The following CSNK1E variants were observed in gnomAD, a reference collection of about 807,000 sequenced individuals.
CSNK1E encodes casein kinase I isoform epsilon.
In CSNK1E, 17 loss-of-function variants were observed where a neutral mutation model predicts 46.1. The observed-to-expected ratio is 0.37, with a 90% CI of 0.25 to 0.55. The LOEUF (loss-of-function observed/expected upper bound fraction) is 0.55, where lower values mean the gene tolerates loss of function less well. Ranked by LOEUF, CSNK1E falls within the 20% of genes least tolerant of loss-of-function variation. CSNK1E has a pLI of 0.82. For synonymous variants in CSNK1E, 241 were observed against 242.6 expected (o/e 0.99, Z 0.06); for missense variants, 386 against 595.4 (o/e 0.65, Z 3.66).
At position 38,302,885 on chromosome 22, in the gene CSNK1E, C is replaced by G. The variant is rs371797069; in HGVS notation, c.312G>C (p.Thr104=). 2.5e-6 allele frequency: 4 copies of G among 1,613,984 alleles called. No individual in the cohort carries two copies. The Admixed American group carries it at 5.0e-5, about 20-fold the overall frequency. ...CCATCTGGTCGGCCAAGAGCAGCAC[C>G]GTCTTGAGGCTGAATTTGCGGGAAC... The part of the protein sequence containing the change: ...NFCSRKFSLK[T]VLLLADQMIS... Residue 104 remains threonine (T), a synonymous_variant, in exon 4 of 11, where the codon ACG becomes ACC. Coordinates refer to ENST00000396832, the MANE Select transcript of CSNK1E (RefSeq NM_152221.3).
chr22:38,301,524 C>T (rs754507123), intron 4 of CSNK1E, among the ~76,000 whole-genome samples: 2 of 152,050 alleles, frequency 1.3e-5, no homozygotes, highest in Non-Finnish European at 2.9e-5. Context: ...CTTCTGCCTT[C>T]AGGGTTCAAG....
Position 38,294,430 on chromosome 22 carries a change from A to C in CSNK1E, c.990T>G (p.Pro330=), listed in dbSNP as rs780565636. ...TGGCAGTGGCCCCCGTGGGTGGGCC[A>C]GGGGGCAGGGCTCGGGTCGCGGACC... ...LRGSATRALP[P]GPPTGATANR... The change falls in exon 8 of 11, where the codon CCT becomes CCG. Residue 330 remains proline, a synonymous_variant. Coordinates refer to ENST00000396832, the MANE Select transcript of CSNK1E (RefSeq NM_152221.3). The surrounding 1 kb of genome is among the most constrained non-coding windows in gnomAD (Gnocchi z 5.5). 6.4e-7 allele frequency: 1 copy of C among 1,564,964 alleles called. No homozygotes were observed. The highest frequency in any genetic ancestry group is 1.4e-5 in the African/African-American group (1 of 73,524).
chr22:38,313,720 C>T (rs1435695663), intron 2 of CSNK1E, among the ~76,000 whole-genome samples: 3 of 152,166 alleles, frequency 2.0e-5, no homozygotes, highest in East Asian at 1.9e-4. Flanking sequence ...AACCCAAGTC[C>T]CTTCTATCTA....
chr22:38,299,685 T>C (rs532701250), intron 6 of CSNK1E, among the ~76,000 whole-genome samples: 1 of 152,360 alleles, frequency 6.6e-6, no homozygotes, highest in East Asian at 1.9e-4. Context: ...AATTTTTGTA[T>C]TTTTAGTAGA....
intron 10 of CSNK1E, 187 bp downstream of exon 10, chr22:38,293,068 T>C (rs1370113708): frequency 3.3e-6 from 2 of 609,126 alleles, no homozygotes; most frequent in East Asian, 2.8e-5. Flanking sequence ...ATAGAAACCC[T>C]TGGCCCCAAG....
intron 2 of CSNK1E, among the ~76,000 whole-genome samples, chr22:38,304,888 C>T (rs1318097638): frequency 2.6e-5 from 4 of 152,106 alleles, no homozygotes; most frequent in Non-Finnish European, 5.9e-5. Flanking sequence ...CTTTGGGAGG[C>T]TGAGGCGGGT....
chr22:38,293,143 T>TCTGCCA, intron 10 of CSNK1E, 112 bp downstream of exon 10: 4 of 865,914 alleles, frequency 4.6e-6, no homozygotes, highest in Non-Finnish European at 5.9e-6. Context: ...CCTGGTACCA[T>TCTGCCA]CTGCCACTGC....
intron 7 of CSNK1E, chr22:38,297,878 G>T: frequency 9.5e-7 from 1 of 1,049,926 alleles, no homozygotes. Flanking sequence ...GGCACACCTG[G>T]CGACATCAGA....
chr22:38,312,170 C>T (rs2092723939), intron 2 of CSNK1E, among the ~76,000 whole-genome samples: 2 of 152,218 alleles, frequency 1.3e-5, no homozygotes, highest in African/African-American at 4.8e-5. Flanking sequence ...CTCACTGTAG[C>T]CTCAACCTCC....
At chr22:38,315,502 G>A (rs1390592020) in intron 1 of CSNK1E, among the ~76,000 whole-genome samples, 1 of 152,174 alleles carries the variant, frequency 6.6e-6, no homozygotes, top group African/African-American at 2.4e-5. Flanking sequence ...ACGCTGCCAG[G>A]GGAACACAGT....
chr22:38,296,454 G>T, intron 7 of CSNK1E: 8 of 1,499,000 alleles, frequency 5.3e-6, no homozygotes, highest in Non-Finnish European at 7.1e-6. Flanking sequence ...GGTAGCATGG[G>T]AAGGGCCTGG....
At chr22:38,317,510 C>T (rs1400147106), upstream of CSNK1E, 2 of 152,332 alleles carry the variant, frequency 1.3e-5, no homozygotes, top group East Asian at 2.0e-4. Flanking sequence ...CCGCCGCCGC[C>T]CCGGAGGATT....
In CSNK1E at chr22:38,298,235, C is replaced by G; in HGVS notation, c.885+551G>C. On this transcript the variant is annotated intron_variant, in intron 7 of 10. Coordinates refer to ENST00000396832, the MANE Select transcript of CSNK1E (RefSeq NM_152221.3). This position sits in a 1 kb window ranked among gnomAD's most constrained non-coding sequence, Gnocchi z 4.2. ...CAGAAGAGATGTGAAACAAGACATA[C>G]AATTTCACAGATTCCAGAGCTCTGG... 2 of 1,295,138 alleles carry G rather than the reference C, an allele frequency of 1.5e-6. No homozygotes were observed. Among genetic ancestry groups the G allele is most frequent in the Non-Finnish European group, 2.0e-6 (2 of 982,276 alleles). The allele number at this position is 1,295,138 out of a possible 1,614,324, so 80.2% of individuals were successfully genotyped here.
chr22:38,300,180 G>T lies in CSNK1E; in HGVS notation c.566-115C>A. 1 of 921,854 alleles carries T rather than the reference G, an allele frequency of 1.1e-6. No homozygotes were observed. Among genetic ancestry groups the T allele is most frequent in the Non-Finnish European group, 1.6e-6 (1 of 619,416 alleles). The allele number at this position is 921,854 out of a possible 1,614,324, so 57.1% of individuals were successfully genotyped here. Reference sequence around the variant, plus strand: ...GGACCCTCCTGCCCCCACGTCGGATGTTGCTCACTGCACGCATTTTAAACA... The same window carrying T: ...GGACCCTCCTGCCCCCACGTCGGATTTTGCTCACTGCACGCATTTTAAACA... On this transcript the variant is annotated intron_variant, in intron 5 of 10. Coordinates refer to ENST00000396832, the MANE Select transcript of CSNK1E (RefSeq NM_152221.3). This position sits in a 1 kb window ranked among gnomAD's most constrained non-coding sequence, Gnocchi z 4.4.
rs770917823 is a variant in CSNK1E, at chr22:38,291,004, AG to A, written c.*966del. On this transcript the variant is annotated 3_prime_UTR_variant, in exon 11 of 11. Transcript: ENST00000396832. ...TAATCCAAAACCCAGCCCTGACTCCAGGCTCCTCCTCAGAAAGGTGGAACCA... is the reference window on the plus strand; with the variant it reads ...TAATCCAAAACCCAGCCCTGACTCCAGCTCCTCCTCAGAAAGGTGGAACCA... The A allele has an allele frequency of 6.6e-6, 1 of 152,384 alleles. No homozygotes were observed. The highest frequency in any genetic ancestry group is 1.5e-5 in the Non-Finnish European group (1 of 68,048). The allele number at this position is 152,384 out of a possible 1,614,324, so 9.4% of individuals were successfully genotyped here.
At position 38,294,052 on chromosome 22, in the gene CSNK1E, T is replaced by TG. The variant is rs919512080; in HGVS notation, c.1218+56dup. On this transcript the variant is annotated intron_variant, in intron 9 of 10. Coordinates refer to ENST00000396832, the MANE Select transcript of CSNK1E (RefSeq NM_152221.3). The surrounding 1 kb of genome is among the most constrained non-coding windows in gnomAD (Gnocchi z 5.5). ...ACAGAGCCACGGCCTGACCTCCCAC[T>TG]GGGGGGTCTCTAACTCAGTTCTGAG... The TG allele has an allele frequency of 6.1e-4, 960 of 1,574,626 alleles. 1 individual carries two copies. Among genetic ancestry groups the TG allele is most frequent in the Non-Finnish European group, 7.8e-4 (910 of 1,161,876 alleles).
chr22:38,311,035 A>G (rs1047496840), intron 2 of CSNK1E, among the ~76,000 whole-genome samples: 1 of 152,188 alleles, frequency 6.6e-6, no homozygotes, highest in African/African-American at 2.4e-5. Flanking sequence ...GCACCAGTGA[A>G]GATGGGAGAG....
At chr22:38,313,100 A>C (rs1028721637) in intron 2 of CSNK1E, among the ~76,000 whole-genome samples, 1 of 152,216 alleles carries the variant, frequency 6.6e-6, no homozygotes, top group East Asian at 1.9e-4. Flanking sequence ...CTTCCTTAGC[A>C]CATTTCATAC....
rs1439476278 is a variant in CSNK1E at position 38,303,330 on chromosome 22, A to C, written c.77-82T>G. 1 of 1,248,306 alleles carries C rather than the reference A, an allele frequency of 8.0e-7. No individual in the cohort carries two copies. The highest frequency in any genetic ancestry group is 1.1e-6 in the Non-Finnish European group (1 of 900,840). 77.3% of individuals were successfully genotyped at this position (1,248,306 alleles called of 1,614,324 possible). On this transcript the variant is annotated intron_variant, in intron 2 of 10. Coordinates refer to ENST00000396832, the MANE Select transcript of CSNK1E (RefSeq NM_152221.3). This position sits in a 1 kb window ranked among gnomAD's most constrained non-coding sequence, Gnocchi z 4.7. The stretch of plus-strand genomic sequence containing the variant: ...AGGCGCCCCACTAAGCATTTCTGAG[A>C]TCTGGCGTGTGCCGGGCCCGGGGCC...
Sources: allele counts gnomAD v4.1 joint callset (sites outside exome capture counted in the v4.1 genomes callset), GRCh38; gene constraint gnomAD v4.1.1; non-coding constraint Gnocchi (gnomAD v3.1); transcripts MANE v1.5; gene names NCBI Gene and HGNC (gene_info 2026-07-23, HGNC 2026-07-21).